Variants in DBX2 observed in about 807,000 individuals in gnomAD.
The protein encoded by DBX2 is developing brain homeobox 2.
In DBX2, 16 loss-of-function variants were observed where a neutral mutation model predicts 17.7. The observed-to-expected ratio is 0.90, with a 90% confidence interval of 0.61 to 1.37. DBX2 has a LOEUF of 1.37. Among genes scored for constraint, DBX2 ranks in the 40% most tolerant of loss-of-function variants. DBX2 has a pLI of 0.00. For missense variants in DBX2, 538 were observed against 433.8 expected, an observed-to-expected ratio of 1.24 and a Z score of -2.13; for synonymous variants, 255 against 183.8, an observed-to-expected ratio of 1.39 and a Z score of -3.13.
At chr12:45,033,122 C>A (rs558118429) in intron 2 of DBX2, among the ~76,000 whole-genome samples, 24 of 152,230 alleles carry the variant, frequency 1.6e-4, no homozygotes, top group Non-Finnish European at 3.2e-4. Context: ...ATTGTTACCA[C>A]ATTGCAATGG....
chr12:45,030,774 C>A (rs1946405094), intron 2 of DBX2, among the ~76,000 whole-genome samples: 2 of 152,206 alleles, frequency 1.3e-5, no homozygotes, highest in Admixed American at 1.3e-4. Flanking sequence ...GTCTATGAAG[C>A]ACCACTGAAT....
At chr12:45,033,808 T>A (rs1946421702) in intron 2 of DBX2, among the ~76,000 whole-genome samples, 1 of 152,174 alleles carries the variant, frequency 6.6e-6, no homozygotes. Flanking sequence ...TCAGCTTCTA[T>A]ATTTATTTTT....
intron 1 of DBX2, among the ~76,000 whole-genome samples, chr12:45,049,533 GC>G (rs1946517761): frequency 6.6e-6 from 1 of 152,070 alleles, no homozygotes; most frequent in Non-Finnish European, 1.5e-5. Context: ...ATTCTATAAA[GC>G]CATTAGCAAT....
chr12:45,051,047 G>A lies in DBX2; in HGVS notation c.-120C>T, dbSNP rs943028791. The A allele has an allele frequency of 2.4e-6, 3 of 1,231,806 alleles. No homozygotes were observed. Among genetic ancestry groups the A allele is most frequent in the Non-Finnish European group, 1.0e-6 (1 of 973,854 alleles). The allele number at this position is 1,231,806 out of a possible 1,614,324, so 76.3% of individuals were successfully genotyped here. ...CGCCTCCCGCAGGGCTGGAGCGCGC[G>A]GAGCCAGGCAGGGAGGAAAGGCCAC... On this transcript the variant is annotated 5_prime_UTR_variant, in exon 1 of 4. Transcript: ENST00000332700.
At chr12:45,041,094 A>G (rs1946468709) in intron 1 of DBX2, among the ~76,000 whole-genome samples, 1 of 148,774 alleles carries the variant, frequency 6.7e-6, no homozygotes, top group South Asian at 2.1e-4. Context: ...GAAGTAAATA[A>G]TTAAGAATAT....
intron 1 of DBX2, among the ~76,000 whole-genome samples, chr12:45,040,050 T>C (rs2137029583): frequency 6.6e-6 from 1 of 152,256 alleles, no homozygotes; most frequent in African/African-American, 2.4e-5. Flanking sequence ...AAAGTACTGG[T>C]CCTGGGTGTG....
intron 2 of DBX2, among the ~76,000 whole-genome samples, chr12:45,034,132 A>ACC (rs1286432585): frequency 6.6e-6 from 1 of 151,498 alleles, no homozygotes. Flanking sequence ...CCACACCCAC[A>ACC]CACACACACA....
chr12:45,044,548 C>T (rs756535759), intron 1 of DBX2, among the ~76,000 whole-genome samples: 49 of 152,112 alleles, frequency 3.2e-4, no homozygotes, highest in Middle Eastern at 3.4e-3. Context: ...TCCCTGAACA[C>T]GTGAAAGAAA....
chr12:45,023,367 G>A (rs958583760), intron 3 of DBX2, among the ~76,000 whole-genome samples: 4 of 152,086 alleles, frequency 2.6e-5, no homozygotes, highest in East Asian at 1.9e-4. Flanking sequence ...CAGAGGAAAC[G>A]ATTTATATAA....
intron 2 of DBX2, among the ~76,000 whole-genome samples, chr12:45,024,773 G>A (rs1276957942): frequency 6.6e-6 from 1 of 152,272 alleles, no homozygotes; most frequent in East Asian, 1.9e-4. Flanking sequence ...GGAGATTTGG[G>A]AACACAAAAC....
At chr12:45,039,319 A>ATATC (rs1565585253) in intron 1 of DBX2, among the ~76,000 whole-genome samples, 2 of 109,400 alleles carry the variant, frequency 1.8e-5, no homozygotes, top group East Asian at 4.7e-4. Flanking sequence ...ATATATATAT[A>ATATC]TATGTATCAC....
chr12:45,020,342 C>G (rs1177502828), intron 3 of DBX2, among the ~76,000 whole-genome samples: 1 of 152,106 alleles, frequency 6.6e-6, no homozygotes, highest in Admixed American at 6.5e-5. Flanking sequence ...TTTCAAGGTT[C>G]ATCCATATTG....
At chr12:45,017,527 GTAATGCTTTGATAAATTGCAGGCTT>G (rs1286368878) in intron 3 of DBX2, among the ~76,000 whole-genome samples, 1 of 152,148 alleles carries the variant, frequency 6.6e-6, no homozygotes, top group Non-Finnish European at 1.5e-5. Flanking sequence ...AATCCATTTT[GTAATGCTTTGATAAATTGCAGGCTT>G]TATACAGTTT....
chr12:45,016,789 G>A (rs1565579419), intron 3 of DBX2, among the ~76,000 whole-genome samples, 171 bp from the exon 4 acceptor site: 1 of 151,750 alleles, frequency 6.6e-6, no homozygotes, highest in Admixed American at 6.6e-5. Flanking sequence ...ATATCCCATT[G>A]TATTTTATTT....
Position 45,039,368 on chromosome 12 carries a change from A to G in DBX2, c.404-3254T>C, listed in dbSNP as rs148389216. On this transcript the variant is annotated intron_variant, in intron 1 of 3. Transcript: ENST00000332700. ...GTGAACCATATACTTTTTTTAAGTA[A>G]TGACCAAAACAGGAAACTCTGCTTT... Among the ~76,000 whole-genome samples the G allele has an allele frequency of 7.1e-3, 1,043 of 146,832 alleles. 22 individuals carry two copies. Among genetic ancestry groups the G allele is most frequent in the African/African-American group, 0.024 (967 of 40,208 alleles).
rs1946323663 is a variant in DBX2, at chr12:45,016,413, G to A, written c.893C>T (p.Pro298Leu). ...ACTCTCCTGGATTAGTCTTTCTGAA[G>A]GTTCTGGAGAATTCTCCCTCCATCT... is the stretch of plus-strand genomic sequence containing the variant. ...SPRWRENSPEPSERLIQESSG... is the reference protein window; with the variant it reads ...SPRWRENSPELSERLIQESSG... Residue 298 changes from proline to leucine, a missense_variant, in exon 4 of 4, where the codon CCT becomes CTT. Physicochemically the swap from Pro to Leu is moderately conservative, Grantham distance 98 (BLOSUM62 -3). Transcript: ENST00000332700. 2.5e-6 allele frequency: 4 copies of A among 1,614,002 alleles called. No individual in the cohort carries two copies. The highest frequency in any genetic ancestry group is 1.1e-5 in the South Asian group (1 of 91,068).
In DBX2 at chr12:45,051,039, G is replaced by T; in HGVS notation, c.-112C>A. ...CTCGCCGCCGCCTCCCGCAGGGCTGGAGCGCGCGGAGCCAGGCAGGGAGGA... is the reference window on the plus strand; with the variant it reads ...CTCGCCGCCGCCTCCCGCAGGGCTGTAGCGCGCGGAGCCAGGCAGGGAGGA... On this transcript the variant is annotated 5_prime_UTR_variant, in exon 1 of 4. Coordinates refer to ENST00000332700, the MANE Select transcript of DBX2 (RefSeq NM_001004329.3). 2 of 1,249,432 alleles carry T rather than the reference G, an allele frequency of 1.6e-6. No homozygotes were observed. Among genetic ancestry groups the T allele is most frequent in the Non-Finnish European group, 1.0e-6 (1 of 987,528 alleles). The allele number at this position is 1,249,432 out of a possible 1,614,324, so 77.4% of individuals were successfully genotyped here. A position where few individuals can be genotyped will look rare whatever the true frequency, so the allele number is the denominator to read the frequency against.
At chr12:45,026,001 C>A (rs1156845552) in intron 2 of DBX2, among the ~76,000 whole-genome samples, 1 of 151,890 alleles carries the variant, frequency 6.6e-6, no homozygotes, top group African/African-American at 2.4e-5. Flanking sequence ...GCAACCATAT[C>A]CAGCCTGCAA....
chr12:45,029,903 T>TAAATAAATAAATAAAA (rs1555141823), intron 2 of DBX2, among the ~76,000 whole-genome samples: 19 of 136,382 alleles, frequency 1.4e-4, no homozygotes, highest in Admixed American at 3.8e-4. Flanking sequence ...AATAAATAAA[T>TAAATAAATAAATAAAA]AAATAAATAA....
Sources: allele counts gnomAD v4.1 joint callset (sites outside exome capture counted in the v4.1 genomes callset), GRCh38; gene constraint gnomAD v4.1.1; transcripts MANE v1.5; gene names NCBI Gene and HGNC (gene_info 2026-07-23, HGNC 2026-07-21).